The following CADM2 variants were observed in gnomAD, a reference collection of about 807,000 sequenced individuals.
CADM2 encodes cell adhesion molecule 2, also known as immunoglobulin superfamily member 4D.
A neutral mutation model predicts 49.8 loss-of-function variants in CADM2; 12 were observed. The observed-to-expected ratio is 0.24, with a 90% confidence interval of 0.15 to 0.39. The LOEUF (loss-of-function observed/expected upper bound fraction) is 0.39, where lower values mean the gene tolerates loss of function less well. CADM2 is among the 10% of genes least tolerant of loss of function. CADM2 has a pLI of 1.00. For synonymous variants in CADM2, 214 were observed against 175.4 expected, an observed-to-expected ratio of 1.22 and a Z score of -1.74; for missense variants, 378 against 492.3, an observed-to-expected ratio of 0.77 and a Z score of 2.20.
At chr3:85,590,804 CA>C (rs1220540497) in intron 1 of CADM2, among the ~76,000 whole-genome samples, 2 of 151,374 alleles carry the variant, frequency 1.3e-5, no homozygotes, top group Non-Finnish European at 2.9e-5. Flanking sequence ...TGATCTTCAA[CA>C]AAAATAATGT....
At chr3:85,366,658 T>C (rs184166180) in intron 1 of CADM2, among the ~76,000 whole-genome samples, 4 of 152,302 alleles carry the variant, frequency 2.6e-5, no homozygotes, top group African/African-American at 7.2e-5. Flanking sequence ...AAACTAACTT[T>C]CTAGTAGCAT....
chr3:85,259,933 A>G (rs1347214481), intron 1 of CADM2, among the ~76,000 whole-genome samples: 2 of 152,120 alleles, frequency 1.3e-5, no homozygotes, highest in Non-Finnish European at 2.9e-5. Flanking sequence ...GACACAATCT[A>G]AAGGTTAGTC....
chr3:85,190,975 T>C (rs933941813), intron 1 of CADM2, among the ~76,000 whole-genome samples: 11 of 152,140 alleles, frequency 7.2e-5, no homozygotes, highest in South Asian at 4.1e-4. Flanking sequence ...AGAGGTATAA[T>C]GTATAGCAAC....
intron 2 of CADM2, among the ~76,000 whole-genome samples, chr3:85,747,921 C>T (rs1251578966): frequency 3.9e-5 from 6 of 151,932 alleles, no homozygotes; most frequent in Admixed American, 3.9e-4. Flanking sequence ...TAGAGTGGGC[C>T]TCATATGAGG....
chr3:86,063,558 G>T (rs1217977717), intron 8 of CADM2, among the ~76,000 whole-genome samples: 1 of 152,194 alleles, frequency 6.6e-6, no homozygotes, highest in Non-Finnish European at 1.5e-5. Context: ...GTGTCGGGGA[G>T]TATGTCCTCC....
chr3:85,492,781 A>C (rs868614775), intron 1 of CADM2, among the ~76,000 whole-genome samples: 2 of 93,636 alleles, frequency 2.1e-5, no homozygotes, highest in African/African-American at 2.9e-5. Flanking sequence ...CTACATGTTA[A>C]CACTTTTTTT....
At chr3:85,917,486 A>G (rs1029419726) in intron 6 of CADM2, among the ~76,000 whole-genome samples, 17 of 152,132 alleles carry the variant, frequency 1.1e-4, no homozygotes, top group Middle Eastern at 3.4e-3. Flanking sequence ...GTAGATATGC[A>G]GCATTATTTC....
At chr3:85,879,636 T>C (rs970430994) in intron 3 of CADM2, among the ~76,000 whole-genome samples, 1 of 152,182 alleles carries the variant, frequency 6.6e-6, no homozygotes, top group Admixed American at 6.6e-5. Flanking sequence ...CTGTTCTCCC[T>C]ACTCCATCAA....
At chr3:85,285,058 A>G (rs1422074351) in intron 1 of CADM2, among the ~76,000 whole-genome samples, 2 of 152,122 alleles carry the variant, frequency 1.3e-5, no homozygotes, top group East Asian at 1.9e-4. Context: ...GGTAGTGCAG[A>G]TAGGATTTGC....
chr3:85,701,936 G>A (rs886915144), intron 1 of CADM2, among the ~76,000 whole-genome samples: 4 of 151,008 alleles, frequency 2.6e-5, no homozygotes, highest in African/African-American at 4.9e-5. Flanking sequence ...GAAAGAAAAA[G>A]AAAGAAGAAA....
intron 1 of CADM2, among the ~76,000 whole-genome samples, chr3:85,541,121 C>T (rs62253961): frequency 0.51 from 76,299 of 149,984 alleles, 22,388 homozygotes; most frequent in East Asian, 0.85. Context: ...CTAATTTTCA[C>T]ATAATCTTCA....
intron 8 of CADM2, among the ~76,000 whole-genome samples, chr3:86,011,323 G>A (rs1425046294): frequency 1.3e-5 from 2 of 152,008 alleles, no homozygotes; most frequent in Non-Finnish European, 2.9e-5. Flanking sequence ...ATTCAAATTT[G>A]TTTAATATTA....
At chr3:85,958,243 T>G (rs1448958047) in intron 7 of CADM2, among the ~76,000 whole-genome samples, 1 of 151,820 alleles carries the variant, frequency 6.6e-6, no homozygotes, top group Non-Finnish European at 1.5e-5. Flanking sequence ...AAAACCACAA[T>G]GAGGTACCAT....
At chr3:85,697,084 CATATATATATATGCCATATATAT>C (rs759025145) in intron 1 of CADM2, among the ~76,000 whole-genome samples, 1 of 35,566 alleles carries the variant, frequency 2.8e-5, no homozygotes, top group Admixed American at 2.5e-4. Context: ...ATATATATGC[CATATATATATATGCCATATATAT>C]ATATGGCATA....
chr3:85,906,306 G>A (rs544557112), intron 5 of CADM2, among the ~76,000 whole-genome samples: 4 of 152,140 alleles, frequency 2.6e-5, no homozygotes, highest in East Asian at 3.9e-4. Flanking sequence ...GTAGATCTGC[G>A]AAATAACATT....
chr3:86,071,450 T>C lies in CADM2; in HGVS notation c.*4667T>C, dbSNP rs1287244758. 2 of 151,804 alleles carry C rather than the reference T, an allele frequency of 1.3e-5. No homozygotes were observed. The highest frequency in any genetic ancestry group is 2.9e-5 in the Non-Finnish European group (2 of 67,812). The allele number at this position is 151,804 out of a possible 1,614,324, so 9.4% of individuals were successfully genotyped here. A position where few individuals can be genotyped will look rare whatever the true frequency, so the allele number is the denominator to read the frequency against. ...AAAGGGGACAACATATAACAATGGG[T>C]TCTAAAATCATCAGCATTTTTATGT... On this transcript the variant is annotated 3_prime_UTR_variant, in exon 10 of 10. Coordinates refer to ENST00000383699, the MANE Select transcript of CADM2 (RefSeq NM_001167675.2).
intron 1 of CADM2, among the ~76,000 whole-genome samples, chr3:85,575,299 C>T (rs2062599296): frequency 6.6e-6 from 1 of 152,298 alleles, no homozygotes; most frequent in Admixed American, 6.5e-5. Flanking sequence ...CGCCTGTAAT[C>T]CCAGCACTTT....
chr3:85,175,974 G>C (rs557973120), intron 1 of CADM2, among the ~76,000 whole-genome samples: 1 of 132,698 alleles, frequency 7.5e-6, no homozygotes, highest in Non-Finnish European at 1.5e-5. Context: ...TGTCGCCCAG[G>C]CTGGAGTGCA....
intron 3 of CADM2, among the ~76,000 whole-genome samples, chr3:85,853,620 A>T (rs2075191922): frequency 6.6e-6 from 1 of 151,998 alleles, no homozygotes; most frequent in South Asian, 2.1e-4. Context: ...TGAGCCACTT[A>T]GTGAAATATG....
Sources: gnomAD v4.1 joint callset for allele counts (sites outside exome capture counted in the v4.1 genomes callset) on GRCh38, gnomAD v4.1.1 for gene constraint, MANE v1.5 for transcripts, NCBI Gene and HGNC (gene_info 2026-07-23, HGNC 2026-07-21) for gene names.